CEBPZOS: variants seen among roughly 807,000 people sequenced by gnomAD.
CEBPZOS encodes protein CEBPZOS.
A neutral mutation model predicts 4.8 loss-of-function variants in CEBPZOS; 10 were observed. The observed-to-expected ratio is 2.07, with a 90% confidence interval of 1.28 to 3.52. The LOEUF (loss-of-function observed/expected upper bound fraction) is 3.52, where lower values mean the gene tolerates loss of function less well. CEBPZOS is among the 30% of genes most tolerant of loss of function. CEBPZOS has a pLI of 0.00. For synonymous variants in CEBPZOS, 25 were observed against 14.2 expected, an observed-to-expected ratio of 1.77 and a Z score of -1.72; for missense variants, 98 against 43.6, an observed-to-expected ratio of 2.25 and a Z score of -3.51.
At chr2:37,197,747 T>C (rs1044998218) in intron 1 of CEBPZOS, among the ~76,000 whole-genome samples, 2 of 152,122 alleles carry the variant, frequency 1.3e-5, no homozygotes, top group African/African-American at 4.8e-5. Context: ...ACGCCTATAA[T>C]CCCAGCTACT....
chr2:37,213,094 C>T (rs995360677), intron 4 of CEBPZOS, among the ~76,000 whole-genome samples: 5 of 152,010 alleles, frequency 3.3e-5, no homozygotes, highest in East Asian at 1.9e-4. Context: ...AAATATGTAA[C>T]GTGAAATCAG....
intron 1 of CEBPZOS, among the ~76,000 whole-genome samples, chr2:37,198,102 G>A (rs578062551): frequency 6.6e-5 from 10 of 152,086 alleles, no homozygotes; most frequent in Non-Finnish European, 1.2e-4. Flanking sequence ...GGAGGTTACA[G>A]TGAGCCAAGA....
downstream of CEBPZOS, among the ~76,000 whole-genome samples, chr2:37,205,743 T>C (rs139198944): frequency 5.5e-3 from 838 of 152,372 alleles, 9 homozygotes; most frequent in African/African-American, 0.019. Context: ...GTATGTACAG[T>C]GCTTTCTACA....
At position 37,196,499 on chromosome 2, in the gene CEBPZOS, G is replaced by C. The variant is rs1296436681; in HGVS notation, c.-23G>C. 2 of 152,304 alleles carry C rather than the reference G, an allele frequency of 1.3e-5. No homozygotes were observed. Among genetic ancestry groups the C allele is most frequent in the Non-Finnish European group, 2.9e-5 (2 of 68,094 alleles). The allele number at this position is 152,304 out of a possible 1,614,324, so 9.4% of individuals were successfully genotyped here. On this transcript the variant is annotated 5_prime_UTR_variant, in exon 1 of 5. Coordinates refer to ENST00000402297, the MANE Select transcript of CEBPZOS (RefSeq NM_001322374.2). ...CGTCGCCAACCGTTGCGCATGCGCA[G>C]TCCCCCTTGAACGCACCTCAGGTAA... is the stretch of plus-strand genomic sequence containing the variant.
downstream of CEBPZOS, among the ~76,000 whole-genome samples, chr2:37,205,421 G>A (rs1418250528): frequency 6.6e-6 from 1 of 152,068 alleles, no homozygotes; most frequent in East Asian, 1.9e-4. Flanking sequence ...CTCCCCTACT[G>A]AGCACCTTGT....
chr2:37,205,847 T>C (rs967459196), downstream of CEBPZOS, among the ~76,000 whole-genome samples: 18 of 152,182 alleles, frequency 1.2e-4, no homozygotes, highest in Non-Finnish European at 2.9e-5. Flanking sequence ...TCTTGTAAGA[T>C]AATACTTTTA....
At chr2:37,212,459 G>C in intron 4 of CEBPZOS, 1 of 1,296,026 alleles carries the variant, frequency 7.7e-7, no homozygotes, top group South Asian at 1.2e-5. Context: ...TCTTGTATCT[G>C]AATCAATTAT....
chr2:37,210,904 T>C, intron 4 of CEBPZOS: 1 of 716,048 alleles, frequency 1.4e-6, no homozygotes, highest in East Asian at 3.1e-5. Context: ...CCCTGAATTT[T>C]ATTAATCAAA....
At chr2:37,201,116 T>TA (rs1299675100) in intron 3 of CEBPZOS, 24 bp downstream of exon 3, 1 of 711,432 alleles carries the variant, frequency 1.4e-6, no homozygotes, top group East Asian at 2.7e-5. Context: ...TAAGTAAAAA[T>TA]AAGTATAAAA....
chr2:37,208,292 T>G (rs544186286), downstream of CEBPZOS, among the ~76,000 whole-genome samples: 1 of 152,240 alleles, frequency 6.6e-6, no homozygotes, highest in South Asian at 2.1e-4. Flanking sequence ...CCCTAAATCA[T>G]TCAATGAAGC....
At chr2:37,201,554 T>C (rs1304281036) in intron 3 of CEBPZOS, 88 bp from the exon 4 acceptor site, 2 of 632,126 alleles carry the variant, frequency 3.2e-6, no homozygotes, top group Non-Finnish European at 2.8e-6. Context: ...TGTAGCAATA[T>C]GGAAAAAAGA....
downstream of CEBPZOS, chr2:37,208,804 A>G (rs770060481): frequency 6.6e-6 from 1 of 152,152 alleles, no homozygotes; most frequent in Non-Finnish European, 1.5e-5. Flanking sequence ...GCAACTGGAC[A>G]AGAGAAAGAA....
At position 37,203,211 on chromosome 2, in the gene CEBPZOS, G is replaced by T; in HGVS notation, c.*1351G>T. On this transcript the variant is annotated 3_prime_UTR_variant, in exon 5 of 5. Coordinates refer to ENST00000402297, the MANE Select transcript of CEBPZOS (RefSeq NM_001322374.2). ...TCAAAAAGCTAACAACATCCTAATAGAACTGTTCAGATGACAAGAGTGTCT... is the reference window on the plus strand; with the variant it reads ...TCAAAAAGCTAACAACATCCTAATATAACTGTTCAGATGACAAGAGTGTCT... 2.6e-6 allele frequency: 1 copy of T among 382,190 alleles called. No individual in the cohort carries two copies. 23.7% of individuals were successfully genotyped at this position (382,190 alleles called of 1,614,324 possible). A position where few individuals can be genotyped will look rare whatever the true frequency, so the allele number is the denominator to read the frequency against.
downstream of CEBPZOS, chr2:37,213,973 A>T: frequency 7.2e-7 from 1 of 1,390,928 alleles, no homozygotes; most frequent in East Asian, 2.6e-5. Context: ...TATAATATTC[A>T]TGTTATATAT....
chr2:37,206,907 C>G (rs903899281), downstream of CEBPZOS, among the ~76,000 whole-genome samples: 4 of 152,116 alleles, frequency 2.6e-5, no homozygotes, highest in Non-Finnish European at 5.9e-5. Context: ...GTTCAGGAGA[C>G]TCACGTAACA....
intron 4 of CEBPZOS, chr2:37,211,372 A>G (rs1421188340): frequency 5.3e-5 from 14 of 265,200 alleles, no homozygotes; most frequent in Non-Finnish European, 9.1e-5. Flanking sequence ...GTGGTTCAGA[A>G]TAAGTAAGAA....
chr2:37,210,702 GAA>G, intron 4 of CEBPZOS: 1 of 256,872 alleles, frequency 3.9e-6, no homozygotes. Context: ...CAAAATCTCA[GAA>G]ATCACTACTA....
chr2:37,198,425 G>C (rs1331952425), intron 1 of CEBPZOS: 1 of 152,106 alleles, frequency 6.6e-6, no homozygotes, highest in Non-Finnish European at 1.5e-5. Context: ...TGGTGGGGAG[G>C]GCCACCTGGT....
At chr2:37,206,787 A>G (rs113238580), downstream of CEBPZOS, among the ~76,000 whole-genome samples, 260 of 152,358 alleles carry the variant, frequency 1.7e-3, no homozygotes, top group Admixed American at 4.8e-3. Flanking sequence ...AGCAACAACT[A>G]GCATGATGAA....
Sources: allele counts gnomAD v4.1 joint callset (sites outside exome capture counted in the v4.1 genomes callset), GRCh38; gene constraint gnomAD v4.1.1; transcripts MANE v1.5; gene names NCBI Gene and HGNC (gene_info 2026-07-23, HGNC 2026-07-21).